The following CTNNBL1 variants were observed in gnomAD, a reference collection of about 807,000 sequenced individuals.
The protein encoded by CTNNBL1 is beta-catenin-like protein 1.
CTNNBL1 carries 31 observed loss-of-function variants against 72.7 expected under a neutral mutation model. The observed-to-expected ratio is 0.43, with a 90% CI of 0.32 to 0.58. The LOEUF is 0.58. Among genes scored for constraint, CTNNBL1 ranks in the 20% least tolerant of loss-of-function variants. The pLI is 0.08. For synonymous variants in CTNNBL1, 240 were observed against 267.3 expected (o/e 0.90, Z 1.00); for missense variants, 534 against 725.1 (o/e 0.74, Z 3.03).
At chr20:37,816,913 G>A (rs59049419) in intron 11 of CTNNBL1, among the ~76,000 whole-genome samples, 1,990 of 152,212 alleles carry the variant, frequency 0.013, 35 homozygotes, top group African/African-American at 0.046. Flanking sequence ...TAGTTAACTG[G>A]GTGATTTTCC....
intron 3 of CTNNBL1, among the ~76,000 whole-genome samples, chr20:37,741,852 C>G (rs1236860144): frequency 6.6e-6 from 1 of 152,120 alleles, no homozygotes; most frequent in East Asian, 1.9e-4. Flanking sequence ...TTATTCTCTG[C>G]TTGTTTGTTT....
chr20:37,840,772 C>G (rs1006267618), intron 12 of CTNNBL1, among the ~76,000 whole-genome samples: 1 of 151,762 alleles, frequency 6.6e-6, no homozygotes, highest in Non-Finnish European at 1.5e-5. Context: ...ATGGATTGGG[C>G]TATGGAAGCT....
intron 1 of CTNNBL1, among the ~76,000 whole-genome samples, chr20:37,724,908 C>CTTT (rs748038781): frequency 1.4e-4 from 17 of 122,380 alleles, no homozygotes; most frequent in Non-Finnish European, 2.3e-4. Flanking sequence ...TCCTGTCAAT[C>CTTT]TTTTTTTTTT....
At chr20:37,846,866 A>G (rs2072351264) in intron 13 of CTNNBL1, among the ~76,000 whole-genome samples, 1 of 152,136 alleles carries the variant, frequency 6.6e-6, no homozygotes, top group African/African-American at 2.4e-5. Context: ...TACCATTTGT[A>G]AGAGAGCCCT....
intron 10 of CTNNBL1, among the ~76,000 whole-genome samples, chr20:37,789,402 T>G (rs1488498780): frequency 6.6e-6 from 1 of 152,232 alleles, no homozygotes; most frequent in Non-Finnish European, 1.5e-5. Context: ...GTGGTAGTTT[T>G]GTAGTCTGTG....
At chr20:37,715,413 C>T (rs1379956203) in intron 1 of CTNNBL1, among the ~76,000 whole-genome samples, 1 of 152,176 alleles carries the variant, frequency 6.6e-6, no homozygotes, top group Non-Finnish European at 1.5e-5. Flanking sequence ...ACAGAGTAGG[C>T]ACATAGTTAA....
chr20:37,826,508 G>T (rs530926403), intron 11 of CTNNBL1, among the ~76,000 whole-genome samples: 1 of 152,290 alleles, frequency 6.6e-6, no homozygotes, highest in African/African-American at 2.4e-5. Flanking sequence ...AATGGAAAAG[G>T]CATTCAAAAT....
intron 11 of CTNNBL1, among the ~76,000 whole-genome samples, chr20:37,834,210 C>G (rs761550884): frequency 8.6e-5 from 13 of 151,968 alleles, no homozygotes; most frequent in South Asian, 2.1e-4. Flanking sequence ...GATACCCTCT[C>G]TGTGCCACCA....
chr20:37,860,083 C>A, intron 14 of CTNNBL1, 47 bp downstream of exon 14: 3 of 1,590,240 alleles, frequency 1.9e-6, no homozygotes, highest in Non-Finnish European at 2.6e-6. Flanking sequence ...CTGCCTCCTT[C>A]CTCGCCAGCT....
At chr20:37,843,898 CAAG>C (rs2072325640) in intron 13 of CTNNBL1, among the ~76,000 whole-genome samples, 1 of 152,198 alleles carries the variant, frequency 6.6e-6, no homozygotes, top group African/African-American at 2.4e-5. Flanking sequence ...GATACTACTG[CAAG>C]ATAAAAGGCA....
At chr20:37,823,742 G>A (rs1210091095) in intron 11 of CTNNBL1, among the ~76,000 whole-genome samples, 1 of 152,122 alleles carries the variant, frequency 6.6e-6, no homozygotes, top group African/African-American at 2.4e-5. Flanking sequence ...TGTGGTGTTC[G>A]GCTCTCCTGC....
At position 37,871,911 on chromosome 20, in the gene CTNNBL1, C is replaced by G; in HGVS notation, c.1604-14C>G. The G allele has an allele frequency of 6.2e-7, 1 of 1,611,546 alleles. No homozygotes were observed. The highest frequency in any genetic ancestry group is 8.5e-7 in the Non-Finnish European group (1 of 1,177,928). ...GCCTGGGATCCACTCCTGACTCTAT[C>G]TTTGTCCCCCTAGAGTATGCAGAGA... On this transcript the variant is annotated splice_polypyrimidine_tract_variant and intron_variant, in intron 15 of 15. Coordinates refer to ENST00000361383, the MANE Select transcript of CTNNBL1 (RefSeq NM_030877.5).
In CTNNBL1 at chr20:37,872,079, C is replaced by T; in HGVS notation, c.*66C>T. Reference sequence around the variant, plus strand: ...CCTCCCAGGATCAGTTTCTACACAACTCTGTGTGGCTTTTGGACAAATTAA... The same window carrying T: ...CCTCCCAGGATCAGTTTCTACACAATTCTGTGTGGCTTTTGGACAAATTAA... On this transcript the variant is annotated 3_prime_UTR_variant, in exon 16 of 16. Transcript: ENST00000361383. The T allele has an allele frequency of 7.4e-7, 1 of 1,352,896 alleles. No individual in the cohort carries two copies. The highest frequency in any genetic ancestry group is 1.1e-6 in the Non-Finnish European group (1 of 943,844). The allele number at this position is 1,352,896 out of a possible 1,614,324, so 83.8% of individuals were successfully genotyped here.
chr20:37,838,842 G>A (rs766930271), intron 11 of CTNNBL1, among the ~76,000 whole-genome samples: 7 of 152,158 alleles, frequency 4.6e-5, no homozygotes, highest in East Asian at 1.9e-4. Flanking sequence ...AGCCCTGATC[G>A]TGCCGCTGCA....
intron 3 of CTNNBL1, among the ~76,000 whole-genome samples, chr20:37,745,017 T>G (rs1022804332): frequency 1.3e-5 from 2 of 152,168 alleles, no homozygotes; most frequent in Admixed American, 6.5e-5. Flanking sequence ...AATGGTTATT[T>G]TTGGTTAGTA....
chr20:37,790,907 A>C (rs62208408), intron 10 of CTNNBL1, among the ~76,000 whole-genome samples: 43,327 of 152,016 alleles, frequency 0.29, 7,710 homozygotes, highest in Middle Eastern at 0.42. Context: ...CCCCTTTGTA[A>C]TTCTCTCCCC....
intron 11 of CTNNBL1, among the ~76,000 whole-genome samples, chr20:37,812,265 TA>T (rs1568791938): frequency 6.6e-6 from 1 of 152,198 alleles, no homozygotes; most frequent in Non-Finnish European, 1.5e-5. Context: ...GTAATATAGT[TA>T]TTGCACATTT....
At chr20:37,871,171 A>C (rs1003801309) in intron 15 of CTNNBL1, among the ~76,000 whole-genome samples, 2 of 152,138 alleles carry the variant, frequency 1.3e-5, no homozygotes, top group Non-Finnish European at 2.9e-5. Context: ...AAGTGGGTCT[A>C]GGGTGGTCCC....
At position 37,695,101 on chromosome 20, in the gene CTNNBL1, T is replaced by C. The variant is rs1214030863; in HGVS notation, c.30+949T>C. 2.6e-5 allele frequency: 4 copies of C among 152,400 alleles called. No individual in the cohort carries two copies. In the East Asian group the frequency reaches 7.7e-4, roughly 29 times the overall value. The allele number at this position is 152,400 out of a possible 1,614,324, so 9.4% of individuals were successfully genotyped here. A position where few individuals can be genotyped will look rare whatever the true frequency, so the allele number is the denominator to read the frequency against. ...AAGTGAAATTTTTATATTGATTACATGATCGTACTGATTATATCAATTACA... is the reference window on the plus strand; with the variant it reads ...AAGTGAAATTTTTATATTGATTACACGATCGTACTGATTATATCAATTACA... On this transcript the variant is annotated intron_variant, in intron 1 of 15. Coordinates refer to ENST00000361383, the MANE Select transcript of CTNNBL1 (RefSeq NM_030877.5).
Sources: allele counts gnomAD v4.1 joint callset (sites outside exome capture counted in the v4.1 genomes callset), GRCh38; gene constraint gnomAD v4.1.1; transcripts MANE v1.5; gene names NCBI Gene and HGNC (gene_info 2026-07-23, HGNC 2026-07-21).